The following TRANK1 variants were observed in gnomAD, a reference collection of about 807,000 sequenced individuals.
TRANK1 encodes TPR and ankyrin repeat-containing protein 1.
In TRANK1, 198 loss-of-function variants were observed where a neutral mutation model predicts 266.0. That is an observed-to-expected ratio of 0.74 (90% CI 0.66 to 0.84). TRANK1 has a LOEUF of 0.84. TRANK1 is among the 40% of genes least tolerant of loss of function. The pLI is 0.00. For synonymous variants in TRANK1, 1,396 were observed against 1,384.1 expected (o/e 1.01, Z -0.19); for missense variants, 3,326 against 3,634.6 (o/e 0.92, Z 2.18).
At chr3:36,858,173 T>G (rs2079086238) in intron 12 of TRANK1, 124 bp from the exon 13 acceptor site, 1 of 782,126 alleles carries the variant, frequency 1.3e-6, no homozygotes, top group Non-Finnish European at 2.0e-6. Flanking sequence ...CCAAAAAATC[T>G]GAAATCCATT....
intron 19 of TRANK1, 37 bp from the exon 20 acceptor site, chr3:36,838,541 C>G: frequency 7.4e-6 from 12 of 1,613,998 alleles, no homozygotes; most frequent in Non-Finnish European, 1.0e-5. Context: ...TTCCACGGAA[C>G]ATTGACCCTA....
chr3:36,847,305 G>A lies in TRANK1; in HGVS notation c.4929C>T (p.Thr1643=), dbSNP rs1156893751. Residue 1643 remains threonine, a synonymous_variant, in exon 16 of 24, where the codon ACC becomes ACT. Transcript: ENST00000645898. ...GGTTTTCCTCTCTGGAGTCAGTTGAGGTAGGTGTGAATGAGGAAATGATCT... is the reference window on the plus strand; with the variant it reads ...GGTTTTCCTCTCTGGAGTCAGTTGAAGTAGGTGTGAATGAGGAAATGATCT... ...EWKIISSFTP[T]STDSREENRP... The A allele has an allele frequency of 1.2e-6, 2 of 1,613,678 alleles. No individual in the cohort carries two copies. Among genetic ancestry groups the A allele is most frequent in the East Asian group, 4.5e-5 (2 of 44,878 alleles).
At chr3:36,945,503 G>T (rs1298750149), upstream of TRANK1, among the ~76,000 whole-genome samples, 1 of 152,202 alleles carries the variant, frequency 6.6e-6, no homozygotes, top group African/African-American at 2.4e-5. Flanking sequence ...TGGGGGTCCG[G>T]GAGTGAAGGG....
At chr3:36,895,588 T>C (rs893981642) in intron 5 of TRANK1, 52 bp downstream of exon 5, 1 of 1,120,922 alleles carries the variant, frequency 8.9e-7, no homozygotes, top group East Asian at 2.7e-5. Flanking sequence ...TGGAAAGGAA[T>C]CATTTCATCA....
At chr3:36,830,520 A>G (rs1575172143) in intron 22 of TRANK1, among the ~76,000 whole-genome samples, 1 of 152,156 alleles carries the variant, frequency 6.6e-6, no homozygotes, top group South Asian at 2.1e-4. Flanking sequence ...TTTTCCCTGT[A>G]TCTTCTCCAC....
intron 1 of TRANK1, 155 bp from the exon 2 acceptor site, chr3:36,908,609 A>G: frequency 8.1e-7 from 1 of 1,229,902 alleles, no homozygotes; most frequent in Non-Finnish European, 1.0e-6. Flanking sequence ...ACCACCAGGA[A>G]ACCAGGCAGA....
intron 1 of TRANK1, 121 bp from the exon 2 acceptor site, chr3:36,908,575 G>A (rs1011057223): frequency 1.6e-6 from 2 of 1,230,858 alleles, no homozygotes; most frequent in Non-Finnish European, 2.0e-6. Flanking sequence ...CACCTTCAAA[G>A]GGCACATCTT....
At chr3:36,836,745 C>T (rs750177268) in intron 20 of TRANK1, among the ~76,000 whole-genome samples, 7 of 152,232 alleles carry the variant, frequency 4.6e-5, no homozygotes, top group African/African-American at 7.2e-5. Context: ...CCTGTCTGCT[C>T]GGTTTCCCTA....
At chr3:36,929,146 A>ATTTT (rs5847943) in intron 1 of TRANK1, among the ~76,000 whole-genome samples, 2 of 144,080 alleles carry the variant, frequency 1.4e-5, no homozygotes, top group Middle Eastern at 3.6e-3. Context: ...TAAAACATTA[A>ATTTT]TTTTTTTTTT....
rs372429586 is a variant in TRANK1 at position 36,846,371 on chromosome 3, C to T, written c.5068G>A (p.Ala1690Thr). ...LNGELKQLYT[A>T]ITRARVNLWI... ...AGGTTGACCCGAGCCCGTGTGATGG[C>T]GGTGTACAGCTGCTTCAGCTCTCCG... The change falls in exon 17 of 24, where the codon GCC (alanine) becomes ACC (threonine). Residue 1690 changes from alanine to threonine, a missense_variant. Transcript: ENST00000645898. 35 of 1,613,356 alleles carry T rather than the reference C, an allele frequency of 2.2e-5. No homozygotes were observed. The highest frequency in any genetic ancestry group is 2.5e-5 in the Non-Finnish European group (30 of 1,179,646).
rs1461541632 is a variant in TRANK1 at position 36,831,666 on chromosome 3, A to T, written c.7917T>A (p.Asp2639Glu). 1 of 1,613,884 alleles carries T rather than the reference A, an allele frequency of 6.2e-7. No individual in the cohort carries two copies. Among genetic ancestry groups the T allele is most frequent in the Admixed American group, 1.7e-5 (1 of 60,014 alleles). ...AGTCACAGTCCATTAGGTACTCTTC[A>T]TCCCGCTCAAAGAGCAGGTCCTGCA... ...EALQDLLFER[D>E]EEYLMDCDWR... The change falls in exon 22 of 24, where the codon GAT (aspartate) becomes GAA (glutamate). Residue 2639 changes from aspartate to glutamate, a missense_variant. Asp to Glu is a conservative substitution (Grantham distance 45, BLOSUM62 2). Coordinates refer to ENST00000645898, the MANE Select transcript of TRANK1 (RefSeq NM_001329998.2). The surrounding 1 kb of genome is among the most constrained non-coding windows in gnomAD (Gnocchi z 5.0).
chr3:36,894,267 G>A (rs2079755326), intron 5 of TRANK1, among the ~76,000 whole-genome samples: 1 of 152,156 alleles, frequency 6.6e-6, no homozygotes, highest in Non-Finnish European at 1.5e-5. Context: ...ACCCCACACT[G>A]GGAAGAGAGG....
intron 8 of TRANK1, among the ~76,000 whole-genome samples, chr3:36,886,940 T>C (rs1210517857): frequency 7.0e-6 from 1 of 143,840 alleles, no homozygotes; most frequent in Non-Finnish European, 1.5e-5. Context: ...AGAGTCTCGC[T>C]CTGTTGCCCA....
In TRANK1 at chr3:36,918,514, A is replaced by G. The variant is rs368315280; in HGVS notation, c.24-10060T>C. ...AAGAAAGAAAGAAAGAAAGAAAGAA[A>G]GAAAGAAAGAAAGAAAGAAGGAAGG... is the stretch of plus-strand genomic sequence containing the variant. On this transcript the variant is annotated intron_variant, in intron 1 of 23. Transcript: ENST00000645898. Among the ~76,000 whole-genome samples the G allele has an allele frequency of 4.6e-3, 166 of 36,236 alleles. 9 individuals carry two copies. Among genetic ancestry groups the G allele is most frequent in the African/African-American group, 0.016 (145 of 8,844 alleles). The allele number at this position is 36,236 out of a possible 152,430, so 23.8% of individuals were successfully genotyped here.
intron 1 of TRANK1, among the ~76,000 whole-genome samples, chr3:36,934,921 G>A (rs1273765350): frequency 7.9e-5 from 12 of 152,150 alleles, no homozygotes; most frequent in African/African-American, 2.9e-4. Context: ...TATCTTCCTT[G>A]CCAGGCTGGA....
At chr3:36,828,982 G>A (rs1330789003) in intron 23 of TRANK1, among the ~76,000 whole-genome samples, 3 of 152,190 alleles carry the variant, frequency 2.0e-5, no homozygotes, top group Non-Finnish European at 4.4e-5. Context: ...TCCTGTGGCT[G>A]GAATGGGCAA....
At chr3:36,837,418 C>T (rs1444324903) in intron 20 of TRANK1, among the ~76,000 whole-genome samples, 2 of 152,188 alleles carry the variant, frequency 1.3e-5, no homozygotes, top group Non-Finnish European at 2.9e-5. Flanking sequence ...ACTCCTACCC[C>T]TCTCAATGCC....
At chr3:36,910,183 G>T (rs1280919931) in intron 1 of TRANK1, among the ~76,000 whole-genome samples, 3 of 152,120 alleles carry the variant, frequency 2.0e-5, no homozygotes, top group African/African-American at 7.2e-5. Context: ...TATGAAAAGT[G>T]GGTAAATAGG....
chr3:36,916,096 C>T (rs1331060197), intron 1 of TRANK1, among the ~76,000 whole-genome samples: 2 of 152,182 alleles, frequency 1.3e-5, no homozygotes, highest in African/African-American at 4.8e-5. Flanking sequence ...CTATACAATA[C>T]AGAAGGCACT....
Sources: allele counts gnomAD v4.1 joint callset (sites outside exome capture counted in the v4.1 genomes callset), GRCh38; gene constraint gnomAD v4.1.1; non-coding constraint Gnocchi (gnomAD v3.1); transcripts MANE v1.5; gene names NCBI Gene and HGNC (gene_info 2026-07-23, HGNC 2026-07-21).